MSRA: variants seen among roughly 807,000 people sequenced by gnomAD.
The protein encoded by MSRA is mitochondrial peptide methionine sulfoxide reductase.
Under a neutral mutation model 31.3 loss-of-function variants are expected in MSRA, and 54 were observed. That is an observed-to-expected ratio of 1.73 (90% CI 1.39 to 2.17). MSRA has a LOEUF of 2.17. Ranked by LOEUF, MSRA falls within the 30% of genes most tolerant of loss-of-function variation. The pLI is 0.00. For missense variants in MSRA, 507 were observed against 300.9 expected (o/e 1.69, Z -5.07); for synonymous variants, 169 against 116.5 (o/e 1.45, Z -2.90).
chr8:10,333,629 T>C (rs918387312), intron 5 of MSRA, among the ~76,000 whole-genome samples: 1 of 152,090 alleles, frequency 6.6e-6, no homozygotes, highest in Non-Finnish European at 1.5e-5. Context: ...GATGATATGG[T>C]GTATATGTAA....
At chr8:10,304,865 T>G (rs1466553459) in intron 4 of MSRA, among the ~76,000 whole-genome samples, 1 of 152,214 alleles carries the variant, frequency 6.6e-6, no homozygotes, top group Non-Finnish European at 1.5e-5. Context: ...TTCTGATCTG[T>G]GAGGCAGTAG....
At chr8:10,375,754 G>T (rs1169145010) in intron 5 of MSRA, among the ~76,000 whole-genome samples, 1 of 152,176 alleles carries the variant, frequency 6.6e-6, no homozygotes, top group East Asian at 1.9e-4. Flanking sequence ...TGCTTCGGGG[G>T]TTGAAACCAA....
intron 3 of MSRA, among the ~76,000 whole-genome samples, chr8:10,263,013 T>C (rs1290958698): frequency 6.6e-6 from 1 of 152,236 alleles, no homozygotes; most frequent in African/African-American, 2.4e-5. Flanking sequence ...ACTGTGGCCA[T>C]CCACCCTCCC....
chr8:10,152,329 C>G (rs151299433), intron 1 of MSRA, among the ~76,000 whole-genome samples: 58 of 152,214 alleles, frequency 3.8e-4, no homozygotes, highest in African/African-American at 1.3e-3. Context: ...AATGTAAAAT[C>G]TACTAGAGAA....
At chr8:10,236,829 A>C (rs1362898567) in intron 2 of MSRA, among the ~76,000 whole-genome samples, 3 of 152,234 alleles carry the variant, frequency 2.0e-5, no homozygotes, top group Admixed American at 6.5e-5. Flanking sequence ...TGCAGGCGTG[A>C]GCCACCATGT....
chr8:10,117,420 G>T (rs1800766746), intron 1 of MSRA, among the ~76,000 whole-genome samples: 1 of 152,200 alleles, frequency 6.6e-6, no homozygotes. Context: ...CTGGTCAGCC[G>T]CATTCTGCAT....
intron 4 of MSRA, among the ~76,000 whole-genome samples, chr8:10,303,441 A>T (rs372284240): frequency 1.3e-5 from 2 of 152,302 alleles, no homozygotes; most frequent in Non-Finnish European, 2.9e-5. Context: ...TTGGCCTTCT[A>T]TGGGCTCTGT....
At chr8:10,252,011 A>G (rs928005171) in intron 3 of MSRA, among the ~76,000 whole-genome samples, 4 of 152,158 alleles carry the variant, frequency 2.6e-5, no homozygotes, top group African/African-American at 9.7e-5. Flanking sequence ...AGAGGTAATG[A>G]TGTTTGAACT....
At chr8:10,336,484 C>G (rs957876775) in intron 5 of MSRA, among the ~76,000 whole-genome samples, 1 of 148,166 alleles carries the variant, frequency 6.7e-6, no homozygotes, top group African/African-American at 2.5e-5. Context: ...TTTACAAAGT[C>G]GTCATTGAAA....
chr8:10,278,949 T>C (rs369157487), intron 3 of MSRA, among the ~76,000 whole-genome samples: 4 of 152,184 alleles, frequency 2.6e-5, no homozygotes, highest in African/African-American at 9.7e-5. Context: ...GCTAGTCTCA[T>C]TGAGCATGCC....
At chr8:10,195,476 G>A (rs1325917243) in intron 1 of MSRA, among the ~76,000 whole-genome samples, 3 of 152,146 alleles carry the variant, frequency 2.0e-5, no homozygotes, top group Admixed American at 2.0e-4. Context: ...CCTCAGCTCA[G>A]GCAATTTGCC....
At chr8:10,117,328 C>T (rs1262173427) in intron 1 of MSRA, among the ~76,000 whole-genome samples, 2 of 152,060 alleles carry the variant, frequency 1.3e-5, no homozygotes, top group African/African-American at 4.8e-5. Context: ...AGGGAAAATT[C>T]CTAGAAGGGG....
intron 1 of MSRA, among the ~76,000 whole-genome samples, chr8:10,084,617 C>T (rs533929479): frequency 1.3e-5 from 2 of 152,144 alleles, no homozygotes; most frequent in Admixed American, 1.3e-4. Flanking sequence ...TAGTTAAGGT[C>T]TCTGTGCCTT....
chr8:10,237,930 T>G (rs928722247), intron 2 of MSRA, among the ~76,000 whole-genome samples: 38 of 152,200 alleles, frequency 2.5e-4, no homozygotes, highest in African/African-American at 8.4e-4. Flanking sequence ...TCTAGTCTAT[T>G]CTCAACCGAG....
intron 5 of MSRA, among the ~76,000 whole-genome samples, chr8:10,335,004 G>C (rs1240622823): frequency 4.2e-5 from 6 of 143,944 alleles, no homozygotes; most frequent in African/African-American, 1.5e-4. Flanking sequence ...AAAGGCTCTC[G>C]TGTCCTTAGG....
intron 5 of MSRA, among the ~76,000 whole-genome samples, chr8:10,322,687 T>C (rs999368709): frequency 2.0e-5 from 3 of 152,218 alleles, no homozygotes; most frequent in Admixed American, 6.5e-5. Context: ...GCCTAGCACA[T>C]GGTAAATACC....
chr8:10,333,225 A>G (rs35130171), intron 5 of MSRA, among the ~76,000 whole-genome samples: 47,917 of 152,114 alleles, frequency 0.32, 7,957 homozygotes, highest in East Asian at 0.47. Context: ...CAACAGGGGA[A>G]TGTTTAGTGG....
At chr8:10,277,944 A>G (rs1388814158) in intron 3 of MSRA, among the ~76,000 whole-genome samples, 2 of 152,214 alleles carry the variant, frequency 1.3e-5, no homozygotes, top group African/African-American at 2.4e-5. Context: ...AAAAATACCT[A>G]TGAAGGAATT....
At chr8:10,185,804 C>G (rs1166209334) in intron 1 of MSRA, among the ~76,000 whole-genome samples, 3 of 152,188 alleles carry the variant, frequency 2.0e-5, no homozygotes, top group African/African-American at 7.2e-5. Context: ...TCTTGCAAGG[C>G]TCAACTCTAA....
Sources: allele counts gnomAD v4.1 joint callset (sites outside exome capture counted in the v4.1 genomes callset), GRCh38; gene constraint gnomAD v4.1.1; transcripts MANE v1.5; gene names NCBI Gene and HGNC (gene_info 2026-07-23, HGNC 2026-07-21).